ZNF667: variants seen among roughly 807,000 people sequenced by gnomAD.
ZNF667 encodes zinc finger protein 667.
ZNF667 carries 13 observed loss-of-function variants against 31.8 expected under a neutral mutation model. The ratio of observed to expected loss-of-function variants is 0.41; its 90% CI spans 0.27 to 0.65. ZNF667 has a LOEUF of 0.65. Ranked by LOEUF, ZNF667 falls within the 30% of genes least tolerant of loss-of-function variation. The pLI is 0.32. For synonymous variants in ZNF667, 228 were observed against 247.1 expected (o/e 0.92, Z 0.73); for missense variants, 642 against 725.6 (o/e 0.88, Z 1.32).
chr19:56,444,545 C>T (rs573909883), intron 6 of ZNF667, among the ~76,000 whole-genome samples: 483 of 145,634 alleles, frequency 3.3e-3, no homozygotes, highest in Middle Eastern at 0.011. Context: ...CCCCATGATC[C>T]AATCACCTCC....
chr19:56,468,775 C>T (rs539640435), intron 3 of ZNF667: 2 of 152,310 alleles, frequency 1.3e-5, no homozygotes, highest in Admixed American at 6.5e-5. Context: ...TCCTGGATTG[C>T]CCAAGTGGGC....
At chr19:56,449,812 A>T (rs560674004) in intron 6 of ZNF667, among the ~76,000 whole-genome samples, 58 of 152,150 alleles carry the variant, frequency 3.8e-4, no homozygotes, top group African/African-American at 1.2e-3. Context: ...AATCAAGCAG[A>T]AATTCTGGAG....
chr19:56,477,204 C>G (rs996771887), intron 1 of ZNF667, 68 bp downstream of exon 1: 1 of 152,178 alleles, frequency 6.6e-6, no homozygotes, highest in Non-Finnish European at 1.5e-5. Context: ...TTGGCAGGAA[C>G]GTCCACGCAG....
chr19:56,444,148 T>C (rs1237920593), intron 6 of ZNF667: 5 of 398,234 alleles, frequency 1.3e-5, no homozygotes, highest in African/African-American at 2.1e-5. Flanking sequence ...TATTAGGAAG[T>C]TCCTATATTG....
chr19:56,450,829 ATT>A (rs1034452446), intron 6 of ZNF667, among the ~76,000 whole-genome samples: 130 of 152,320 alleles, frequency 8.5e-4, no homozygotes, highest in African/African-American at 3.1e-3. Context: ...ATAAGATATT[ATT>A]TACGAGCCTC....
chr19:56,474,581 G>A (rs150251870), intron 1 of ZNF667: 2 of 152,482 alleles, frequency 1.3e-5, no homozygotes, highest in African/African-American at 2.4e-5. Context: ...GCAGCTGTGA[G>A]GACTGTTTTT....
rs944442344 is a variant in ZNF667, at chr19:56,462,434, G to A, written c.-59-5C>T. The A allele has an allele frequency of 3.1e-6, 5 of 1,601,500 alleles. No individual in the cohort carries two copies. In the South Asian group the frequency reaches 4.4e-5, roughly 14 times the overall value. On this transcript the variant is annotated splice_region_variant and splice_polypyrimidine_tract_variant and intron_variant, in intron 3 of 6. Coordinates refer to ENST00000504904, the MANE Select transcript of ZNF667 (RefSeq NM_001321356.2). ...CAGAGAGCTGGTAAGGCAGGGCTGT[G>A]GGGAGAAGACAGGTCATGAGGCAGT...
At chr19:56,460,659 T>C (rs770226399) in intron 5 of ZNF667, 30 bp downstream of exon 5, 5 of 1,601,096 alleles carry the variant, frequency 3.1e-6, no homozygotes, top group Non-Finnish European at 4.3e-6. Context: ...AATAGGCTGG[T>C]TCTGGATTGT....
At position 56,441,050 on chromosome 19, in the gene ZNF667, T is replaced by G. The variant is rs552314091; in HGVS notation, c.*112A>C. 20 of 1,473,230 alleles carry G rather than the reference T, an allele frequency of 1.4e-5. No homozygotes were observed. In the African/African-American group the frequency reaches 2.1e-4, roughly 15 times the overall value. 91.3% of individuals were successfully genotyped at this position (1,473,230 alleles called of 1,614,324 possible). A position where few individuals can be genotyped will look rare whatever the true frequency, so the allele number is the denominator to read the frequency against. Reference sequence around the variant, plus strand: ...GACTTTTGCTCTTTGGCTTTCAAAGTGGGACATATCATCAAATGGTCCCAT... The same window carrying G: ...GACTTTTGCTCTTTGGCTTTCAAAGGGGGACATATCATCAAATGGTCCCAT... On this transcript the variant is annotated 3_prime_UTR_variant, in exon 7 of 7. Transcript: ENST00000504904. The surrounding 1 kb of genome is among the most constrained non-coding windows in gnomAD (Gnocchi z 4.2).
Position 56,441,400 on chromosome 19 carries a change from C to T in ZNF667, c.1595G>A (p.Cys532Tyr). The change falls in exon 7 of 7, where the codon TGT becomes TAT. Residue 532 changes from cysteine (C) to tyrosine (Y), a missense_variant. Coordinates refer to ENST00000504904, the MANE Select transcript of ZNF667 (RefSeq NM_001321356.2). The surrounding 1 kb of genome is among the most constrained non-coding windows in gnomAD (Gnocchi z 4.2). Reference sequence around the variant, plus strand: ...TGTGCGCTGACTAAAGGCCTTACCACATGTTTTGCATGTATATGGCTTCTC... The same window carrying T: ...TGTGCGCTGACTAAAGGCCTTACCATATGTTTTGCATGTATATGGCTTCTC... ...TGEKPYTCKTCGKAFSQRTSL... is the reference protein window; with the variant it reads ...TGEKPYTCKTYGKAFSQRTSL... The T allele has an allele frequency of 6.2e-7, 1 of 1,614,178 alleles. No homozygotes were observed.
intron 3 of ZNF667, among the ~76,000 whole-genome samples, chr19:56,464,457 G>A (rs958075670): frequency 5.3e-5 from 8 of 152,156 alleles, no homozygotes; most frequent in Non-Finnish European, 8.8e-5. Context: ...TCATGCCACT[G>A]CAGTCCAGCC....
intron 3 of ZNF667, chr19:56,468,493 A>G (rs2043214853): frequency 6.6e-6 from 1 of 152,174 alleles, no homozygotes; most frequent in Non-Finnish European, 1.5e-5. Flanking sequence ...GACCAAACCA[A>G]CGTACATCTC....
At chr19:56,468,425 C>G (rs1330849495) in intron 3 of ZNF667, 1 of 152,222 alleles carries the variant, frequency 6.6e-6, no homozygotes, top group Admixed American at 6.5e-5. Flanking sequence ...CTGTTTGTCT[C>G]TTATCTACCT....
intron 3 of ZNF667, among the ~76,000 whole-genome samples, chr19:56,466,066 AG>A: frequency 6.6e-6 from 1 of 152,310 alleles, no homozygotes; most frequent in African/African-American, 2.4e-5. Context: ...CTGTGTAGAC[AG>A]CACCTCGCAT....
intron 6 of ZNF667, chr19:56,449,167 C>T (rs2042767474): frequency 3.2e-6 from 1 of 311,070 alleles, no homozygotes; most frequent in Admixed American, 4.2e-5. Context: ...CCTTTGAATA[C>T]ATGGAGAGTC....
At position 56,460,871 on chromosome 19, in the gene ZNF667, G is replaced by A. The variant is rs556014726; in HGVS notation, c.34-56C>T. On this transcript the variant is annotated intron_variant, in intron 4 of 6. Transcript: ENST00000504904. ...ATGGACTTGTGCTTCCACATGGCTG[G>A]AGGAAATGGTGCACACATCTTAAAC... The A allele has an allele frequency of 2.0e-5, 30 of 1,509,598 alleles. No homozygotes were observed. The South Asian group carries it at 2.7e-4, about 14-fold the overall frequency. 93.5% of individuals were successfully genotyped at this position (1,509,598 alleles called of 1,614,324 possible). A position where few individuals can be genotyped will look rare whatever the true frequency, so the allele number is the denominator to read the frequency against.
At chr19:56,449,081 A>G (rs2042765309) in intron 6 of ZNF667, among the ~76,000 whole-genome samples, 1 of 152,232 alleles carries the variant, frequency 6.6e-6, no homozygotes, top group Admixed American at 6.5e-5. Context: ...TGAGTCTACA[A>G]GAGTCACAGA....
intron 3 of ZNF667, among the ~76,000 whole-genome samples, chr19:56,466,184 A>G (rs1020015734): frequency 6.6e-6 from 1 of 152,082 alleles, no homozygotes; most frequent in African/African-American, 2.4e-5. Context: ...TGCTCTGTGC[A>G]CCCTTCCCTT....
At chr19:56,446,352 G>A (rs1025155200) in intron 6 of ZNF667, among the ~76,000 whole-genome samples, 4 of 152,164 alleles carry the variant, frequency 2.6e-5, no homozygotes, top group Non-Finnish European at 5.9e-5. Flanking sequence ...TATTCAAAAA[G>A]CTGAGAACCA....
Sources: gnomAD v4.1 joint callset for allele counts (sites outside exome capture counted in the v4.1 genomes callset) on GRCh38, gnomAD v4.1.1 for gene constraint, Gnocchi (gnomAD v3.1) non-coding constraint, MANE v1.5 for transcripts, NCBI Gene and HGNC (gene_info 2026-07-23, HGNC 2026-07-21) for gene names.